FAM153A: variants seen among roughly 807,000 people sequenced by gnomAD.
FAM153A encodes the protein protein FAM153A.
In FAM153A, 12 loss-of-function variants were observed where a neutral mutation model predicts 48.1. The ratio of observed to expected loss-of-function variants is 0.25; its 90% CI spans 0.16 to 0.40. The LOEUF (loss-of-function observed/expected upper bound fraction) is 0.40, where lower values mean the gene tolerates loss of function less well. FAM153A is among the 10% of genes least tolerant of loss of function. The pLI, the probability that FAM153A is intolerant of heterozygous loss-of-function variation, is 1.00. For synonymous variants in FAM153A, 36 were observed against 118.2 expected, an observed-to-expected ratio of 0.30 and a Z score of 4.51; for missense variants, 111 against 345.8, an observed-to-expected ratio of 0.32 and a Z score of 5.38.
Position 177,741,270 on chromosome 5 carries a change from G to A in FAM153A, c.427C>T (p.Pro143Ser), listed in dbSNP as rs756504886. 12 of 594,910 alleles carry A rather than the reference G, an allele frequency of 2.0e-5. 2 individuals carry two copies. In the Middle Eastern group the frequency reaches 1.6e-3, roughly 79 times the overall value. 36.9% of individuals were successfully genotyped at this position (594,910 alleles called of 1,614,324 possible). Residue 143 changes from proline (P) to serine (S), a missense_variant, in exon 7 of 21, where the codon CCA (proline) becomes TCA (serine). By Grantham distance (74) the Pro-to-Ser change is moderately conservative (BLOSUM62 -1). Coordinates refer to ENST00000614127, the Ensembl canonical transcript of FAM153A. The stretch of plus-strand genomic sequence containing the variant: ...AAAGACTTTACCTTCACAGAGCCTG[G>A]CAACGTCTCCGAGAGTATCTCGGGT...
the FAM153A span, among the ~76,000 whole-genome samples, chr5:177,699,880 C>T: frequency 0.015 from 2,057 of 138,074 alleles, 77 homozygotes; most frequent in African/African-American, 0.051. Context: ...ACCCAGATAC[C>T]AAAGCCAGAA....
chr5:177,759,705 A>G (rs1200197039), intron 1 of FAM153A, among the ~76,000 whole-genome samples: 1 of 151,394 alleles, frequency 6.6e-6, no homozygotes, highest in African/African-American at 2.4e-5. Flanking sequence ...TCAGCAAACT[A>G]TAGCAAGGAC....
downstream of FAM153A, among the ~76,000 whole-genome samples, chr5:177,703,409 A>G (rs1304463834): frequency 6.6e-6 from 1 of 151,568 alleles, no homozygotes; most frequent in Non-Finnish European, 1.5e-5. Context: ...TCTTGGAAGT[A>G]ACTAACTTGT....
intron 26 of FAM153A, chr5:177,713,722 T>TG (rs921684740): frequency 6.6e-6 from 1 of 151,978 alleles, no homozygotes; most frequent in Middle Eastern, 3.4e-3. Flanking sequence ...GAAATCTTGA[T>TG]GAAAAAAAGC....
chr5:177,760,258 A>C (rs1768200006), intron 1 of FAM153A, among the ~76,000 whole-genome samples: 1 of 42,414 alleles, frequency 2.4e-5, no homozygotes, highest in South Asian at 9.3e-4. Flanking sequence ...TTTTTTTGAG[A>C]TGGAGTCTTG....
At chr5:177,696,451 G>C in the FAM153A span, among the ~76,000 whole-genome samples, 1 of 151,908 alleles carries the variant, frequency 6.6e-6, no homozygotes, top group South Asian at 2.1e-4. Context: ...CTCAGTTTTT[G>C]AGCTGTTTTT....
downstream of FAM153A, among the ~76,000 whole-genome samples, chr5:177,709,981 G>T (rs1758266208): frequency 7.2e-6 from 1 of 139,024 alleles, no homozygotes; most frequent in Non-Finnish European, 1.5e-5. Flanking sequence ...ATGTTTTTTA[G>T]TGTAACAAGG....
At chr5:177,752,976 A>G (rs1767217024) in intron 1 of FAM153A, among the ~76,000 whole-genome samples, 1 of 147,622 alleles carries the variant, frequency 6.8e-6, no homozygotes, top group African/African-American at 2.5e-5. Flanking sequence ...TGTATTTTCT[A>G]GAGAAAAGTA....
upstream of FAM153A, among the ~76,000 whole-genome samples, chr5:177,755,955 A>G (rs1407879568): frequency 1.3e-5 from 2 of 150,566 alleles, no homozygotes; most frequent in Non-Finnish European, 2.9e-5. Flanking sequence ...AGCTAACATC[A>G]TAATGACAGG....
chr5:177,713,036 T>C (rs1323531869), exon 27 of FAM153A: 1 of 151,864 alleles, frequency 6.6e-6, no homozygotes, highest in Non-Finnish European at 1.5e-5. Flanking sequence ...AGCCAGAAAA[T>C]GTTTATTAAA....
intron 6 of FAM153A, among the ~76,000 whole-genome samples, chr5:177,743,190 G>GTT (rs757108757): frequency 9.2e-5 from 7 of 75,754 alleles, no homozygotes; most frequent in African/African-American, 2.9e-4. Context: ...GCATTCACTT[G>GTT]TTTTTTTTTT....
upstream of FAM153A, among the ~76,000 whole-genome samples, chr5:177,755,359 T>C (rs112030931): frequency 6.6e-6 from 1 of 151,912 alleles, no homozygotes; most frequent in African/African-American, 2.4e-5. Flanking sequence ...CTATGTCTGA[T>C]TGGTATACCT....
At chr5:177,722,352 A>G (rs1009563322), downstream of FAM153A, 2 of 141,988 alleles carry the variant, frequency 1.4e-5, no homozygotes, top group Non-Finnish European at 3.0e-5. Context: ...CTGGTCTTGA[A>G]CTCCTGACCT....
chr5:177,697,279 G>C, the FAM153A span, among the ~76,000 whole-genome samples: 1 of 151,408 alleles, frequency 6.6e-6, no homozygotes, highest in Non-Finnish European at 1.5e-5. Flanking sequence ...AAAAATAATC[G>C]ATTTTTGTGT....
At chr5:177,694,944 A>G in the FAM153A span, among the ~76,000 whole-genome samples, 42 of 151,532 alleles carry the variant, frequency 2.8e-4, no homozygotes, top group African/African-American at 9.3e-4. Flanking sequence ...ATTTTTTTGG[A>G]ATGGAGTCTC....
chr5:177,766,175 AAG>A lies in FAM153A; in HGVS notation c.-57+14272_-57+14273del, dbSNP rs1203818505. 5.6e-5 allele frequency among the ~76,000 whole-genome samples: 6 copies of A among 106,760 alleles called. 1 individual carries two copies. The highest frequency in any genetic ancestry group is 1.6e-4 in the African/African-American group (5 of 31,922). The allele number at this position is 106,760 out of a possible 152,430, so 70.0% of individuals were successfully genotyped here. On this transcript the variant is annotated intron_variant, in intron 1 of 8. Coordinates refer to the FAM153A transcript ENST00000393518. ...ACATGCCAATAGGATAAAAAAAAAAAAGAAAGACAAGTACTGAGCTTCAAAAT... is the reference window on the plus strand; with the variant it reads ...ACATGCCAATAGGATAAAAAAAAAAAAAAGACAAGTACTGAGCTTCAAAAT...
At chr5:177,709,155 ACTCAAGAGCAT>A (rs1223203727), downstream of FAM153A, among the ~76,000 whole-genome samples, 1 of 141,948 alleles carries the variant, frequency 7.0e-6, no homozygotes, top group East Asian at 2.1e-4. Flanking sequence ...TAGTTTTGTC[ACTCAAGAGCAT>A]CTCACACCCA....
upstream of FAM153A, among the ~76,000 whole-genome samples, chr5:177,755,002 G>A (rs1465854746): frequency 2.0e-5 from 3 of 151,864 alleles, no homozygotes; most frequent in Admixed American, 6.5e-5. Flanking sequence ...ACTTTGACGA[G>A]TAGAGAAGAA....
intron 18 of FAM153A, among the ~76,000 whole-genome samples, chr5:177,725,119 C>G (rs1403048008): frequency 1.4e-5 from 2 of 145,568 alleles, no homozygotes; most frequent in African/African-American, 5.3e-5. Flanking sequence ...AGGCAGCGCC[C>G]TCTTCACAAC....
Sources: allele counts gnomAD v4.1 joint callset (sites outside exome capture counted in the v4.1 genomes callset), GRCh38; gene constraint gnomAD v4.1.1; transcripts MANE v1.5; gene names NCBI Gene and HGNC (gene_info 2026-07-23, HGNC 2026-07-21).